The following FRRS1L variants were observed in gnomAD, a reference collection of about 807,000 sequenced individuals.
The protein encoded by FRRS1L is ferric chelate reductase 1 like.
Under a neutral mutation model 28.6 loss-of-function variants are expected in FRRS1L, and 22 were observed. The ratio of observed to expected loss-of-function variants is 0.77; its 90% CI spans 0.55 to 1.10. FRRS1L has a LOEUF of 1.10. FRRS1L is among the 50% of genes least tolerant of loss of function. The pLI is 0.00. For missense variants in FRRS1L, 380 were observed against 386.9 expected, an observed-to-expected ratio of 0.98 and a Z score of 0.15; for synonymous variants, 158 against 151.4, an observed-to-expected ratio of 1.04 and a Z score of -0.32.
rs2118524399 is a variant in FRRS1L at position 109,167,226 on chromosome 9, A to G, written c.-88T>C. On this transcript the variant is annotated 5_prime_UTR_variant, in exon 1 of 5. Transcript: ENST00000561981. ...CCGGGACTGAGCCTCCGCCGAGGCC[A>G]CCAGCACGCGCCCGCGCAGCCGCGG... 1.5e-6 allele frequency: 2 copies of G among 1,352,060 alleles called. No homozygotes were observed. Among genetic ancestry groups the G allele is most frequent in the Non-Finnish European group, 1.9e-6 (2 of 1,047,752 alleles). The allele number at this position is 1,352,060 out of a possible 1,614,324, so 83.8% of individuals were successfully genotyped here.
At position 109,147,167 on chromosome 9, in the gene FRRS1L, C is replaced by T; in HGVS notation, c.346G>A (p.Ala116Thr). The change falls in exon 3 of 5, where the codon GCA becomes ACA. Residue 116 changes from alanine (A) to threonine (T), a missense_variant. Ala to Thr is a moderately conservative substitution (Grantham distance 58). Coordinates refer to ENST00000561981, the MANE Select transcript of FRRS1L (RefSeq NM_014334.4). ...CTGAGGAAATAGTCACAGGTCTCTG[C>T]ATTACAGCCTGGTTTGCCATATCTA... ...CFRYGKPGCN[A>T]ETCDYFLSYR... 1.9e-6 allele frequency: 3 copies of T among 1,613,706 alleles called. No homozygotes were observed. The highest frequency in any genetic ancestry group is 2.5e-6 in the Non-Finnish European group (3 of 1,179,588).
At chr9:109,147,242 TAA>T (rs1831275386) in intron 2 of FRRS1L, 53 bp from the exon 3 acceptor site, 12 of 1,435,814 alleles carry the variant, frequency 8.4e-6, no homozygotes, top group Non-Finnish European at 1.1e-5. Flanking sequence ...CAAAAGACAT[TAA>T]GAGAGCATCT....
In FRRS1L at chr9:109,134,871, T is replaced by A. The variant is rs1258164278; in HGVS notation, c.*2584A>T. 4 of 152,212 alleles carry A rather than the reference T, an allele frequency of 2.6e-5. No homozygotes were observed. Among genetic ancestry groups the A allele is most frequent in the Admixed American group, 2.6e-4 (4 of 15,286 alleles). 9.4% of individuals were successfully genotyped at this position (152,212 alleles called of 1,614,324 possible). A position where few individuals can be genotyped will look rare whatever the true frequency, so the allele number is the denominator to read the frequency against. Reference sequence around the variant, plus strand: ...CAACATGGCTGCCTGCATATCAGTATCTTCACTACTAAACAGCCACTAGAG... The same window carrying A: ...CAACATGGCTGCCTGCATATCAGTAACTTCACTACTAAACAGCCACTAGAG... On this transcript the variant is annotated 3_prime_UTR_variant, in exon 5 of 5. Coordinates refer to ENST00000561981, the MANE Select transcript of FRRS1L (RefSeq NM_014334.4).
chr9:109,141,608 G>GAA lies in FRRS1L; in HGVS notation c.463-20_463-19insTT. 2 of 1,563,412 alleles carry GAA rather than the reference G, an allele frequency of 1.3e-6. No individual in the cohort carries two copies. Among genetic ancestry groups the GAA allele is most frequent in the Admixed American group, 3.9e-5 (2 of 51,474 alleles). On this transcript the variant is annotated intron_variant, in intron 3 of 4. Transcript: ENST00000561981. ...CACCACCCTAACATGAGAAATGATTGAGAAAAAAAAAAGTCAAAGGTTCAT... is the reference window on the plus strand; with the variant it reads ...CACCACCCTAACATGAGAAATGATTGAAAGAAAAAAAAAAGTCAAAGGTTCAT...
intron 1 of FRRS1L, among the ~76,000 whole-genome samples, chr9:109,156,452 G>A (rs1014698937): frequency 6.6e-6 from 1 of 152,002 alleles, no homozygotes; most frequent in Non-Finnish European, 1.5e-5. Flanking sequence ...GCAGTGGCAC[G>A]ATCTCGCCTC....
rs201582253 is a variant in FRRS1L, at chr9:109,149,617, A to G, written c.323+19T>C. ...ATCAGTCTTAGCCTTAAAGTTATCC[A>G]ACCTGCAGTTCCACCAACCTAAAGC... On this transcript the variant is annotated intron_variant, in intron 2 of 4. Coordinates refer to ENST00000561981, the MANE Select transcript of FRRS1L (RefSeq NM_014334.4). 3.2e-6 allele frequency: 5 copies of G among 1,553,050 alleles called. No homozygotes were observed. The highest frequency in any genetic ancestry group is 4.4e-6 in the Non-Finnish European group (5 of 1,124,608).
intron 1 of FRRS1L, among the ~76,000 whole-genome samples, chr9:109,153,380 T>C (rs1831360789): frequency 6.6e-6 from 1 of 152,160 alleles, no homozygotes; most frequent in Non-Finnish European, 1.5e-5. Context: ...CTCTGGACAC[T>C]GCGGCCCAGT....
intron 4 of FRRS1L, chr9:109,138,478 T>C (rs954530817): frequency 6.6e-6 from 1 of 152,164 alleles, no homozygotes; most frequent in Non-Finnish European, 1.5e-5. Flanking sequence ...GTGAGGGTTT[T>C]TAAGGTCCTA....
intron 1 of FRRS1L, among the ~76,000 whole-genome samples, chr9:109,154,607 A>G (rs1035035065): frequency 6.6e-6 from 1 of 152,152 alleles, no homozygotes; most frequent in East Asian, 1.9e-4. Context: ...TTAAATTGGT[A>G]TTTCTTGATT....
At chr9:109,147,339 C>T (rs747748367) in intron 2 of FRRS1L, 150 bp from the exon 3 acceptor site, 1 of 660,856 alleles carries the variant, frequency 1.5e-6, no homozygotes. Flanking sequence ...CAGTTTCACT[C>T]TCTTAGGAGG....
At position 109,137,540 on chromosome 9, in the gene FRRS1L, G is replaced by A; in HGVS notation, c.797C>T (p.Ser266Leu). 1 of 1,613,354 alleles carries A rather than the reference G, an allele frequency of 6.2e-7. No homozygotes were observed. Among genetic ancestry groups the A allele is most frequent in the Non-Finnish European group, 8.5e-7 (1 of 1,179,446 alleles). The change falls in exon 5 of 5, where the codon TCA (serine) becomes TTA (leucine). Residue 266 changes from serine (S) to leucine (L), a missense_variant. Physicochemically the swap from Ser to Leu is moderately radical, Grantham distance 145 (BLOSUM62 -2). Transcript: ENST00000561981. ...IYKYEDIFMP[S>L]AAYQTFSSPF... ...AGATGAGAAGGTTTGATAGGCAGCT[G>A]ATGGCATAAAAATGTCTTCATACTT...
intron 1 of FRRS1L, among the ~76,000 whole-genome samples, chr9:109,157,325 T>G (rs1831423745): frequency 2.0e-5 from 3 of 152,210 alleles, no homozygotes; most frequent in Admixed American, 2.0e-4. Flanking sequence ...ATTCTGTATT[T>G]GTGGGTTTTA....
chr9:109,154,646 A>T (rs1463961386), intron 1 of FRRS1L, among the ~76,000 whole-genome samples: 7 of 152,320 alleles, frequency 4.6e-5, no homozygotes, highest in Admixed American at 1.3e-4. Context: ...AGTCTATACA[A>T]AGCCAATCTT....
At position 109,137,248 on chromosome 9, in the gene FRRS1L, G is replaced by T; in HGVS notation, c.*207C>A. 1 of 336,196 alleles carries T rather than the reference G, an allele frequency of 3.0e-6. No homozygotes were observed. Among genetic ancestry groups the T allele is most frequent in the Non-Finnish European group, 5.3e-6 (1 of 187,502 alleles). The allele number at this position is 336,196 out of a possible 1,614,324, so 20.8% of individuals were successfully genotyped here. A position where few individuals can be genotyped will look rare whatever the true frequency, so the allele number is the denominator to read the frequency against. The stretch of plus-strand genomic sequence containing the variant: ...ATATGTGAAAGTGCTTAGAAAAGGT[G>T]TAAGTATGTTCCAAAAGTATAGGGT... On this transcript the variant is annotated 3_prime_UTR_variant, in exon 5 of 5. Transcript: ENST00000561981.
intron 1 of FRRS1L, among the ~76,000 whole-genome samples, chr9:109,160,763 C>CCTG (rs1831470790): frequency 6.6e-6 from 1 of 151,318 alleles, no homozygotes. Flanking sequence ...CTCCTTCTGC[C>CCTG]CTGCCGCCAT....
chr9:109,166,013 T>G (rs903896974), intron 1 of FRRS1L, among the ~76,000 whole-genome samples: 1 of 152,256 alleles, frequency 6.6e-6, no homozygotes, highest in African/African-American at 2.4e-5. Context: ...AAGCTATTAA[T>G]GTTTGCTTGT....
intron 1 of FRRS1L, 51 bp downstream of exon 1, chr9:109,166,850 C>T: frequency 2.7e-6 from 1 of 373,182 alleles, no homozygotes; most frequent in East Asian, 1.7e-4. Context: ...ATCCTCGGTC[C>T]CCCACCCCCG....
At chr9:109,145,653 G>A (rs1361517398) in intron 3 of FRRS1L, among the ~76,000 whole-genome samples, 1 of 152,188 alleles carries the variant, frequency 6.6e-6, no homozygotes. Flanking sequence ...GGCAAAGGTT[G>A]CAGTGAGCCG....
At chr9:109,149,555 G>T in intron 2 of FRRS1L, 81 bp downstream of exon 2, 2 of 917,860 alleles carry the variant, frequency 2.2e-6, no homozygotes, top group South Asian at 1.5e-5. Flanking sequence ...TGATTAGAAG[G>T]AACTGCATGC....
Sources: gnomAD v4.1 joint callset for allele counts (sites outside exome capture counted in the v4.1 genomes callset) on GRCh38, gnomAD v4.1.1 for gene constraint, MANE v1.5 for transcripts, NCBI Gene and HGNC (gene_info 2026-07-23, HGNC 2026-07-21) for gene names.